The following HRH1 variants were observed in gnomAD, a reference collection of about 807,000 sequenced individuals.
HRH1 encodes histamine receptor H1.
HRH1 carries 6 observed loss-of-function variants against 10.3 expected under a neutral mutation model. The ratio of observed to expected loss-of-function variants is 0.58; its 90% CI spans 0.32 to 1.15. The LOEUF (loss-of-function observed/expected upper bound fraction) is 1.15. HRH1 is among the 50% of genes most tolerant of loss of function. The pLI is 0.05. For missense variants in HRH1, 514 were observed against 615.3 expected, an observed-to-expected ratio of 0.84 and a Z score of 1.74; for synonymous variants, 242 against 236.7, an observed-to-expected ratio of 1.02 and a Z score of -0.21.
chr3:11,159,494 T>G (rs1227323901), intron 1 of HRH1, among the ~76,000 whole-genome samples: 1 of 152,214 alleles, frequency 6.6e-6, no homozygotes, highest in Non-Finnish European at 1.5e-5. Context: ...GATTTTTCTT[T>G]TTCAACCCGT....
intron 1 of HRH1, among the ~76,000 whole-genome samples, chr3:11,207,556 G>T (rs909845779): frequency 1.3e-5 from 2 of 152,052 alleles, no homozygotes; most frequent in African/African-American, 4.8e-5. Flanking sequence ...GCGACAGAGC[G>T]AGACTCTGTC....
intron 1 of HRH1, among the ~76,000 whole-genome samples, chr3:11,208,060 C>G (rs955738691): frequency 6.6e-6 from 1 of 152,182 alleles, no homozygotes; most frequent in African/African-American, 2.4e-5. Flanking sequence ...TTTCACACTC[C>G]CCTTTGCCAT....
intron 1 of HRH1, among the ~76,000 whole-genome samples, chr3:11,197,211 T>C (rs6797813): frequency 0.047 from 7,100 of 152,128 alleles, 480 homozygotes; most frequent in African/African-American, 0.15. Flanking sequence ...CGGTGATTCA[T>C]GAGCATGTTA....
intron 1 of HRH1, among the ~76,000 whole-genome samples, chr3:11,183,900 C>T (rs1574994519): frequency 7.6e-6 from 1 of 130,840 alleles, no homozygotes; most frequent in Admixed American, 8.3e-5. Flanking sequence ...CCATCTTATT[C>T]CCATGGCAGG....
chr3:11,249,483 T>C (rs1366690833), intron 1 of HRH1, among the ~76,000 whole-genome samples: 8 of 151,130 alleles, frequency 5.3e-5, no homozygotes, highest in Non-Finnish European at 7.4e-5. Context: ...ATGAAGCACA[T>C]TGTGAAATAT....
chr3:11,157,751 C>T, intron 1 of HRH1, among the ~76,000 whole-genome samples: 1 of 152,178 alleles, frequency 6.6e-6, no homozygotes, highest in East Asian at 1.9e-4. Flanking sequence ...ATGGCAAGGG[C>T]CATTGAAACT....
chr3:11,187,927 A>G (rs1387622629), intron 1 of HRH1, among the ~76,000 whole-genome samples: 2 of 152,192 alleles, frequency 1.3e-5, no homozygotes, highest in East Asian at 1.9e-4. Flanking sequence ...CCCAATTGCT[A>G]AACATTTCAA....
At chr3:11,229,726 A>G (rs1938991004) in intron 1 of HRH1, among the ~76,000 whole-genome samples, 1 of 152,170 alleles carries the variant, frequency 6.6e-6, no homozygotes, top group Admixed American at 6.5e-5. Flanking sequence ...ATTAAATCAC[A>G]TTGTTTTATT....
chr3:11,193,208 A>T (rs528316941), intron 1 of HRH1, among the ~76,000 whole-genome samples: 2 of 152,244 alleles, frequency 1.3e-5, no homozygotes, highest in African/African-American at 4.8e-5. Context: ...GAAATATCCC[A>T]TATGCAGGCT....
chr3:11,251,116 G>A (rs916270527), intron 1 of HRH1, among the ~76,000 whole-genome samples: 3 of 152,158 alleles, frequency 2.0e-5, no homozygotes, highest in Non-Finnish European at 4.4e-5. Context: ...AACAGGGACT[G>A]TAGCTGGAGG....
In HRH1 at chr3:11,242,280, G is replaced by C. The variant is rs563347022; in HGVS notation, c.-35-16723G>C. ...GCGGATCAGGAGGTCAGGAGATCAAGACCATCCTGGCTAACATGGTGAAAC... is the reference window on the plus strand; with the variant it reads ...GCGGATCAGGAGGTCAGGAGATCAACACCATCCTGGCTAACATGGTGAAAC... On this transcript the variant is annotated intron_variant, in intron 1 of 1. Coordinates refer to ENST00000431010, the MANE Select transcript of HRH1 (RefSeq NM_001098212.2). 7.9e-5 allele frequency among the ~76,000 whole-genome samples: 12 copies of C among 152,080 alleles called. 1 individual carries two copies. The East Asian group carries it at 2.1e-3, about 27-fold the overall frequency.
intron 1 of HRH1, among the ~76,000 whole-genome samples, chr3:11,204,100 A>G (rs1559270065): frequency 6.6e-6 from 1 of 152,178 alleles, no homozygotes; most frequent in Non-Finnish European, 1.5e-5. Flanking sequence ...ATGATTTCAC[A>G]GCACCATAAG....
At chr3:11,144,249 G>A (rs927290808) in intron 1 of HRH1, among the ~76,000 whole-genome samples, 11 of 151,540 alleles carry the variant, frequency 7.3e-5, no homozygotes, top group African/African-American at 2.7e-4. Context: ...ACACCTGCAC[G>A]CGTATGTTTA....
chr3:11,209,439 T>C (rs1213879484), intron 1 of HRH1, among the ~76,000 whole-genome samples: 1 of 152,210 alleles, frequency 6.6e-6, no homozygotes, highest in African/African-American at 2.4e-5. Flanking sequence ...CTAGAGATTC[T>C]TGACTCTTTT....
chr3:11,166,471 C>T (rs544514769), intron 1 of HRH1, among the ~76,000 whole-genome samples: 34 of 152,350 alleles, frequency 2.2e-4, no homozygotes, highest in Admixed American at 5.9e-4. Flanking sequence ...ACAAGCATTC[C>T]TGCCCTGGTG....
At position 11,212,635 on chromosome 3, in the gene HRH1, T is replaced by C. The variant is rs183848076; in HGVS notation, c.-35-46368T>C. 1.4e-3 allele frequency among the ~76,000 whole-genome samples: 218 copies of C among 152,318 alleles called. 2 individuals are homozygous for C. Among genetic ancestry groups the C allele is most frequent in the Admixed American group, 1.4e-3 (21 of 15,304 alleles). ...TCACATCTTGCCCTTCCATGCGTTG[T>C]TTCTAGACTCTCTGGGCCACCATCC... On this transcript the variant is annotated intron_variant, in intron 1 of 1. Transcript: ENST00000431010.
At chr3:11,256,001 G>A (rs1418026380) in intron 1 of HRH1, among the ~76,000 whole-genome samples, 1 of 152,200 alleles carries the variant, frequency 6.6e-6, no homozygotes, top group East Asian at 1.9e-4. Flanking sequence ...GGCAGAAGGT[G>A]AAGCTGCAAG....
intron 1 of HRH1, among the ~76,000 whole-genome samples, chr3:11,201,004 A>G (rs545911476): frequency 3.9e-4 from 59 of 152,302 alleles, no homozygotes; most frequent in Non-Finnish European, 6.5e-4. Flanking sequence ...GGGGGAATAG[A>G]TCCCTTTGAG....
At chr3:11,247,662 A>G (rs1939525050) in intron 1 of HRH1, among the ~76,000 whole-genome samples, 1 of 151,870 alleles carries the variant, frequency 6.6e-6, no homozygotes, top group Non-Finnish European at 1.5e-5. Flanking sequence ...AGAAACAAAG[A>G]ACAGGGAACT....
Sources: allele counts gnomAD v4.1 joint callset (sites outside exome capture counted in the v4.1 genomes callset), GRCh38; gene constraint gnomAD v4.1.1; transcripts MANE v1.5; gene names NCBI Gene and HGNC (gene_info 2026-07-23, HGNC 2026-07-21).